Variants in KCNQ1 observed in about 807,000 individuals in gnomAD.
KCNQ1 encodes potassium voltage-gated channel subfamily KQT member 1.
Under a neutral mutation model 72.4 loss-of-function variants are expected in KCNQ1, and 49 were observed. The observed-to-expected ratio is 0.68, with a 90% CI of 0.54 to 0.86. The LOEUF (loss-of-function observed/expected upper bound fraction) is 0.86, where lower values mean the gene tolerates loss of function less well. Among genes scored for constraint, KCNQ1 ranks in the 40% least tolerant of loss-of-function variants. KCNQ1 has a pLI of 0.00. For missense variants in KCNQ1, 790 were observed against 945.1 expected (o/e 0.84, Z 2.15); for synonymous variants, 450 against 412.6 (o/e 1.09, Z -1.10).
Position 2,668,785 on chromosome 11 carries a change from A to C in KCNQ1, c.1514+6704A>C. 1 of 398,560 alleles carries C rather than the reference A, an allele frequency of 2.5e-6. No homozygotes were observed. The highest frequency in any genetic ancestry group is 3.6e-5 in the East Asian group (1 of 28,080). The allele number at this position is 398,560 out of a possible 1,614,324, so 24.7% of individuals were successfully genotyped here. A position where few individuals can be genotyped will look rare whatever the true frequency, so the allele number is the denominator to read the frequency against. On this transcript the variant is annotated intron_variant, in intron 11 of 15. Transcript: ENST00000155840. The surrounding 1 kb of genome is among the most constrained non-coding windows in gnomAD (Gnocchi z 4.3). ...CTCTCTTGATGGTGTCTTTTGATGAACAGAAGGTCTTAATTTTCATGTGGT... is the reference window on the plus strand; with the variant it reads ...CTCTCTTGATGGTGTCTTTTGATGACCAGAAGGTCTTAATTTTCATGTGGT...
In KCNQ1 at chr11:2,617,736, T is replaced by A; in HGVS notation, c.1393+28882T>A. The A allele has an allele frequency of 2.5e-6, 1 of 398,548 alleles. No individual in the cohort carries two copies. Among genetic ancestry groups the A allele is most frequent in the Non-Finnish European group, 4.4e-6 (1 of 226,004 alleles). 24.7% of individuals were successfully genotyped at this position (398,548 alleles called of 1,614,324 possible). On this transcript the variant is annotated intron_variant, in intron 10 of 15. Transcript: ENST00000155840. This position sits in a 1 kb window ranked among gnomAD's most constrained non-coding sequence, Gnocchi z 4.6. ...CACTTAATAGCTATTCTCATGAGTG[T>A]GAGGTGATATCGCATAGTAATTTTG...
rs529514927 is a variant in KCNQ1 at position 2,601,072 on chromosome 11, C to T, written c.1393+12218C>T. 2.7e-5 allele frequency among the ~76,000 whole-genome samples: 4 copies of T among 149,714 alleles called. No homozygotes were observed. The highest frequency in any genetic ancestry group is 2.1e-4 in the South Asian group (1 of 4,706). ...GAGATTCTTTAAGGCCATGCATATA[C>T]CCTGCTACTTGTTAAAAAAAAAAAA... On this transcript the variant is annotated intron_variant, in intron 10 of 15. Transcript: ENST00000155840. This position sits in a 1 kb window ranked among gnomAD's most constrained non-coding sequence, Gnocchi z 5.2.
At chr11:2,708,419 T>A (rs1325641977) in intron 11 of KCNQ1, among the ~76,000 whole-genome samples, 1 of 152,170 alleles carries the variant, frequency 6.6e-6, no homozygotes, top group East Asian at 1.9e-4. Flanking sequence ...TCCTTTCTTT[T>A]CTTTGTAACT....
At chr11:2,667,914 G>A in intron 11 of KCNQ1, 1 of 398,608 alleles carries the variant, frequency 2.5e-6, no homozygotes. Flanking sequence ...TCAGTCCCTG[G>A]GACCCATGTG....
At chr11:2,730,126 A>C (rs1261907665) in intron 11 of KCNQ1, among the ~76,000 whole-genome samples, 1 of 152,160 alleles carries the variant, frequency 6.6e-6, no homozygotes, top group Non-Finnish European at 1.5e-5. Context: ...CTCTGGCTGC[A>C]GAGCCAAGAA....
chr11:2,557,074 T>C (rs564085377), intron 2 of KCNQ1, among the ~76,000 whole-genome samples: 1 of 152,226 alleles, frequency 6.6e-6, no homozygotes, highest in Non-Finnish European at 1.5e-5. Context: ...CTCAGCAGCA[T>C]TAAGTAAGGC....
At chr11:2,542,016 G>T (rs1200298892) in intron 2 of KCNQ1, among the ~76,000 whole-genome samples, 1 of 152,216 alleles carries the variant, frequency 6.6e-6, no homozygotes, top group Non-Finnish European at 1.5e-5. Context: ...CGTGCCTGCT[G>T]TGGCTCTCCA....
intron 15 of KCNQ1, among the ~76,000 whole-genome samples, chr11:2,811,828 T>G (rs1847491684): frequency 6.6e-6 from 1 of 152,198 alleles, no homozygotes; most frequent in Non-Finnish European, 1.5e-5. Context: ...CCAGGCTTCC[T>G]GCAGGCTCAA....
At chr11:2,739,218 G>A (rs376306062) in intron 11 of KCNQ1, among the ~76,000 whole-genome samples, 26 of 152,266 alleles carry the variant, frequency 1.7e-4, no homozygotes, top group African/African-American at 5.3e-4. Flanking sequence ...CATCCTGGCT[G>A]GCTCATACTT....
intron 1 of KCNQ1, among the ~76,000 whole-genome samples, chr11:2,469,605 C>T (rs981532602): frequency 2.0e-5 from 3 of 151,734 alleles, no homozygotes; most frequent in African/African-American, 7.3e-5. Context: ...TGGACCAAGT[C>T]CTCTATCAGA....
At chr11:2,448,812 C>A (rs1293880043) in intron 1 of KCNQ1, among the ~76,000 whole-genome samples, 1 of 152,242 alleles carries the variant, frequency 6.6e-6, no homozygotes, top group East Asian at 1.9e-4. Flanking sequence ...GGTCCCCTCA[C>A]CTACATCGCA....
chr11:2,617,432 A>G lies in KCNQ1; in HGVS notation c.1393+28578A>G. ...CTTTTTTAATGCGGAATAATATTCC[A>G]TTGTAGACATACACACCACAGTTTA... On this transcript the variant is annotated intron_variant, in intron 10 of 15. Coordinates refer to ENST00000155840, the MANE Select transcript of KCNQ1 (RefSeq NM_000218.3). The surrounding 1 kb of genome is among the most constrained non-coding windows in gnomAD (Gnocchi z 4.6). 1 of 398,424 alleles carries G rather than the reference A, an allele frequency of 2.5e-6. No homozygotes were observed. Among genetic ancestry groups the G allele is most frequent in the Non-Finnish European group, 4.4e-6 (1 of 225,942 alleles). 24.7% of individuals were successfully genotyped at this position (398,424 alleles called of 1,614,324 possible).
In KCNQ1 at chr11:2,613,466, T is replaced by C. The variant is rs1209714592; in HGVS notation, c.1393+24612T>C. 1 of 398,478 alleles carries C rather than the reference T, an allele frequency of 2.5e-6. No individual in the cohort carries two copies. Among genetic ancestry groups the C allele is most frequent in the Non-Finnish European group, 4.4e-6 (1 of 226,080 alleles). 24.7% of individuals were successfully genotyped at this position (398,478 alleles called of 1,614,324 possible). ...ATGGAATTCAAAATCAGATGAGCCT[T>C]CTTTGTTGCTGGTCCTCAAGCCTAC... On this transcript the variant is annotated intron_variant, in intron 10 of 15. Transcript: ENST00000155840. The surrounding 1 kb of genome is among the most constrained non-coding windows in gnomAD (Gnocchi z 4.8).
rs1329641538 is a variant in KCNQ1, at chr11:2,663,059, G to A, written c.1514+978G>A. Reference sequence around the variant, plus strand: ...GGGCTGCAGGTGTAACCAGAGAACTGGCAGGGTTGGGTAGCCAGAATGAGG... The same window carrying A: ...GGGCTGCAGGTGTAACCAGAGAACTAGCAGGGTTGGGTAGCCAGAATGAGG... On this transcript the variant is annotated intron_variant, in intron 11 of 15. Transcript: ENST00000155840. This position sits in a 1 kb window ranked among gnomAD's most constrained non-coding sequence, Gnocchi z 5.2. 4 of 398,580 alleles carry A rather than the reference G, an allele frequency of 1.0e-5. No individual in the cohort carries two copies. The highest frequency in any genetic ancestry group is 4.4e-5 in the Admixed American group (1 of 22,724). The allele number at this position is 398,580 out of a possible 1,614,324, so 24.7% of individuals were successfully genotyped here.
chr11:2,455,328 G>T (rs34780268), intron 1 of KCNQ1, among the ~76,000 whole-genome samples: 12,116 of 152,162 alleles, frequency 0.08, 509 homozygotes, highest in African/African-American at 0.096. Context: ...TTGATCTCCT[G>T]ACCTTGTGAT....
chr11:2,792,107 T>C (rs1033707839), intron 15 of KCNQ1, among the ~76,000 whole-genome samples: 1 of 152,144 alleles, frequency 6.6e-6, no homozygotes, highest in African/African-American at 2.4e-5. Flanking sequence ...CTTCCATTCA[T>C]GCCTTCCCGG....
intron 15 of KCNQ1, among the ~76,000 whole-genome samples, chr11:2,825,486 C>A (rs1436999071): frequency 1.3e-5 from 2 of 152,192 alleles, no homozygotes; most frequent in African/African-American, 4.8e-5. Flanking sequence ...TCCCTCCAGT[C>A]GTCCAGCCCT....
chr11:2,679,758 C>T lies in KCNQ1; in HGVS notation c.1514+17677C>T, dbSNP rs940939356. ...TGGACAGTGATGATGGGAAAATAGT[C>T]CCTGCTGCACACTAGGGCCTGTTAG... is the stretch of plus-strand genomic sequence containing the variant. On this transcript the variant is annotated intron_variant, in intron 11 of 15. Transcript: ENST00000155840. This position sits in a 1 kb window ranked among gnomAD's most constrained non-coding sequence, Gnocchi z 4.8. 2.5e-6 allele frequency: 1 copy of T among 398,510 alleles called. No individual in the cohort carries two copies. The allele number at this position is 398,510 out of a possible 1,614,324, so 24.7% of individuals were successfully genotyped here.
chr11:2,571,028 C>T (rs1013113915), intron 3 of KCNQ1, among the ~76,000 whole-genome samples: 2 of 152,188 alleles, frequency 1.3e-5, no homozygotes, highest in African/African-American at 4.8e-5. Flanking sequence ...GCCAGTCACC[C>T]TCGGCAGCCT....
Sources: allele counts gnomAD v4.1 joint callset (sites outside exome capture counted in the v4.1 genomes callset), GRCh38; gene constraint gnomAD v4.1.1; non-coding constraint Gnocchi (gnomAD v3.1); transcripts MANE v1.5; gene names NCBI Gene and HGNC (gene_info 2026-07-23, HGNC 2026-07-21).